The following RAI1 variants were observed in gnomAD, a reference collection of about 807,000 sequenced individuals.
RAI1 encodes retinoic acid induced 1.
A neutral mutation model predicts 123.8 loss-of-function variants in RAI1; 9 were observed. The ratio of observed to expected loss-of-function variants is 0.07; its 90% CI spans 0.04 to 0.13. The LOEUF is 0.13. Ranked by LOEUF, RAI1 falls within the 10% of genes least tolerant of loss-of-function variation. RAI1 has a pLI of 1.00. For missense variants in RAI1, 2,256 were observed against 2,545.8 expected (o/e 0.89, Z 2.45); for synonymous variants, 1,231 against 1,127.3 (o/e 1.09, Z -1.84).
At chr17:17,805,258 TC>T (rs1271777150) in intron 4 of RAI1, among the ~76,000 whole-genome samples, 4 of 152,176 alleles carry the variant, frequency 2.6e-5, no homozygotes, top group Non-Finnish European at 4.4e-5. Flanking sequence ...TAGCCCCTTC[TC>T]TGCAGAGCTG....
intron 2 of RAI1, among the ~76,000 whole-genome samples, chr17:17,788,573 G>A (rs1305995888): frequency 1.3e-5 from 2 of 152,080 alleles, no homozygotes; most frequent in Non-Finnish European, 2.9e-5. Flanking sequence ...TCATTCTCAG[G>A]TTCCCAGGCC....
chr17:17,746,430 G>A (rs2029925430), intron 2 of RAI1, among the ~76,000 whole-genome samples: 1 of 152,106 alleles, frequency 6.6e-6, no homozygotes, highest in Admixed American at 6.5e-5. Flanking sequence ...GAGAACCTGG[G>A]CTGAGCCCAG....
intron 1 of RAI1, among the ~76,000 whole-genome samples, chr17:17,692,968 G>C (rs912223559): frequency 1.3e-5 from 2 of 152,206 alleles, no homozygotes; most frequent in African/African-American, 2.4e-5. Context: ...AGGGGAGAGA[G>C]GGCAGACTCC....
intron 2 of RAI1, among the ~76,000 whole-genome samples, chr17:17,753,964 T>G (rs1246359461): frequency 6.6e-6 from 1 of 152,130 alleles, no homozygotes; most frequent in Admixed American, 6.5e-5. Flanking sequence ...GATCTCAAGG[T>G]CTCATACCTG....
intron 2 of RAI1, among the ~76,000 whole-genome samples, chr17:17,747,115 G>A: frequency 6.6e-6 from 1 of 152,122 alleles, no homozygotes; most frequent in Non-Finnish European, 1.5e-5. Flanking sequence ...GAGAGAACCA[G>A]CGGGGCCTCA....
intron 1 of RAI1, among the ~76,000 whole-genome samples, chr17:17,704,560 A>C (rs1190993106): frequency 6.6e-6 from 1 of 151,414 alleles, no homozygotes; most frequent in Non-Finnish European, 1.5e-5. Flanking sequence ...TCCGATCTCA[A>C]CTCCATCCTC....
chr17:17,783,549 G>A (rs1231687674), intron 2 of RAI1, among the ~76,000 whole-genome samples: 1 of 152,302 alleles, frequency 6.6e-6, no homozygotes, highest in East Asian at 1.9e-4. Flanking sequence ...GGGGCGGAGA[G>A]GCCGCAACAA....
intron 2 of RAI1, among the ~76,000 whole-genome samples, chr17:17,791,957 C>T (rs2032026304): frequency 6.6e-6 from 1 of 152,154 alleles, no homozygotes; most frequent in Non-Finnish European, 1.5e-5. Flanking sequence ...CAGATGGGCT[C>T]TTGAGTGTTG....
intron 1 of RAI1, among the ~76,000 whole-genome samples, chr17:17,691,640 C>G (rs1914840025): frequency 6.6e-6 from 1 of 152,040 alleles, no homozygotes; most frequent in South Asian, 2.1e-4. Context: ...CTGGTGTGTG[C>G]CCGGGGAGAA....
Position 17,801,034 on chromosome 17 carries a change from G to A in RAI1, c.5565+2521G>A, listed in dbSNP as rs1393789568. Among the ~76,000 whole-genome samples, 1 of 152,216 alleles carries A rather than the reference G, an allele frequency of 6.6e-6. No individual in the cohort carries two copies. Among genetic ancestry groups the A allele is most frequent in the Non-Finnish European group, 1.5e-5 (1 of 68,026 alleles). The stretch of plus-strand genomic sequence containing the variant: ...GGGTGCAGCTGTGTCCCTGGCCCCA[G>A]CACTGCCACACCCCTCGGTACCTTG... On this transcript the variant is annotated intron_variant, in intron 3 of 5. Coordinates refer to ENST00000353383, the MANE Select transcript of RAI1 (RefSeq NM_030665.4). This position sits in a 1 kb window ranked among gnomAD's most constrained non-coding sequence, Gnocchi z 4.1.
At chr17:17,744,560 A>G (rs1916750598) in intron 2 of RAI1, among the ~76,000 whole-genome samples, 1 of 152,192 alleles carries the variant, frequency 6.6e-6, no homozygotes, top group Non-Finnish European at 1.5e-5. Context: ...TGGGAGGCCG[A>G]GGCGGACAGA....
At chr17:17,690,448 T>C (rs1236647109) in intron 1 of RAI1, among the ~76,000 whole-genome samples, 2 of 151,906 alleles carry the variant, frequency 1.3e-5, no homozygotes, top group African/African-American at 2.4e-5. Context: ...TGTTTCCTGA[T>C]TGAGGACTCC....
chr17:17,792,544 G>T (rs1217615837), intron 2 of RAI1, among the ~76,000 whole-genome samples: 2 of 147,612 alleles, frequency 1.4e-5, no homozygotes, highest in Non-Finnish European at 3.0e-5. Flanking sequence ...GGGAGTGATG[G>T]GTGGGGGACA....
chr17:17,713,181 G>A (rs1915615982), intron 1 of RAI1, among the ~76,000 whole-genome samples: 1 of 152,170 alleles, frequency 6.6e-6, no homozygotes, highest in South Asian at 2.1e-4. Context: ...TTTAAGGCAT[G>A]TCCAGATTTC....
At chr17:17,772,365 A>G (rs965119606) in intron 2 of RAI1, among the ~76,000 whole-genome samples, 3 of 151,996 alleles carry the variant, frequency 2.0e-5, no homozygotes, top group African/African-American at 7.3e-5. Context: ...CTTCCTGTTC[A>G]CTGGCCTCCT....
At chr17:17,750,498 G>A (rs2030112242) in intron 2 of RAI1, among the ~76,000 whole-genome samples, 1 of 151,734 alleles carries the variant, frequency 6.6e-6, no homozygotes, top group African/African-American at 2.4e-5. Context: ...GAGGCGGGTG[G>A]ATCACCTGAG....
In RAI1 at chr17:17,794,174, C is replaced by T; in HGVS notation, c.1226C>T (p.Thr409Ile). The T allele has an allele frequency of 6.2e-7, 1 of 1,613,848 alleles. No homozygotes were observed. Among genetic ancestry groups the T allele is most frequent in the Non-Finnish European group, 8.5e-7 (1 of 1,180,034 alleles). The change falls in exon 3 of 6, where the codon ACC (threonine) becomes ATC (isoleucine). Residue 409 changes from threonine to isoleucine, a missense_variant. By Grantham distance (89) the Thr-to-Ile change is moderately conservative (BLOSUM62 -1). Around this residue, in one of 7 missense-constraint regions of RAI1, gnomAD observed 357 missense variants for 480.2 expected, o/e 0.74. Coordinates refer to ENST00000353383, the MANE Select transcript of RAI1 (RefSeq NM_030665.4). ...ACGGATGCCACCAGCTCTGTGGACA[C>T]CCAGGCTGGCAACTGCAAGCCCCTT... ...SPTDATSSVD[T>I]QAGNCKPLQK...
intron 2 of RAI1, among the ~76,000 whole-genome samples, chr17:17,761,756 C>A (rs2030706420): frequency 6.6e-6 from 1 of 152,092 alleles, no homozygotes; most frequent in African/African-American, 2.4e-5. Context: ...GGTGGGAATC[C>A]CCTGTGAATG....
At chr17:17,745,196 C>T (rs1325501440) in intron 2 of RAI1, among the ~76,000 whole-genome samples, 2 of 152,094 alleles carry the variant, frequency 1.3e-5, no homozygotes, top group East Asian at 3.9e-4. Flanking sequence ...ACAGAGATCA[C>T]AAGTTTTTAG....
Sources: allele counts gnomAD v4.1 joint callset (sites outside exome capture counted in the v4.1 genomes callset), GRCh38; gene constraint gnomAD v4.1.1; regional missense constraint gnomAD v4.1.1; non-coding constraint Gnocchi (gnomAD v3.1); transcripts MANE v1.5; gene names NCBI Gene and HGNC (gene_info 2026-07-23, HGNC 2026-07-21).